The following PTK2 variants were observed in gnomAD, a reference collection of about 807,000 sequenced individuals.
PTK2 encodes protein tyrosine kinase 2.
PTK2 carries 45 observed loss-of-function variants against 150.1 expected under a neutral mutation model. The observed-to-expected ratio is 0.30, with a 90% CI of 0.24 to 0.38. The LOEUF is 0.38. PTK2 is among the 10% of genes least tolerant of loss of function. PTK2 has a pLI of 1.00. For synonymous variants in PTK2, 432 were observed against 449.2 expected, an observed-to-expected ratio of 0.96 and a Z score of 0.48; for missense variants, 919 against 1,307.3, an observed-to-expected ratio of 0.70 and a Z score of 4.58.
At chr8:140,724,856 T>C (rs544409882) in intron 22 of PTK2, among the ~76,000 whole-genome samples, 6 of 152,370 alleles carry the variant, frequency 3.9e-5, no homozygotes, top group African/African-American at 1.4e-4. Flanking sequence ...AGGGATGGCA[T>C]ACCTGGAAGT....
intron 2 of PTK2, among the ~76,000 whole-genome samples, chr8:140,893,320 T>C (rs926267688): frequency 8.5e-5 from 13 of 152,066 alleles, no homozygotes. Flanking sequence ...TAAAACAAAA[T>C]GAAACACCCT....
intron 26 of PTK2, among the ~76,000 whole-genome samples, chr8:140,698,369 T>C (rs1256414301): frequency 2.0e-5 from 3 of 152,240 alleles, no homozygotes; most frequent in Admixed American, 1.3e-4. Flanking sequence ...GTTTAAAATG[T>C]AGGACTAGAG....
chr8:140,745,845 C>T (rs969689753), intron 18 of PTK2, among the ~76,000 whole-genome samples: 5 of 151,450 alleles, frequency 3.3e-5, no homozygotes, highest in Admixed American at 2.6e-4. Context: ...ATTAAAAATG[C>T]GAAAATTAGC....
intron 7 of PTK2, among the ~76,000 whole-genome samples, chr8:140,844,462 A>G (rs907558419): frequency 6.6e-6 from 1 of 152,182 alleles, no homozygotes; most frequent in African/African-American, 2.4e-5. Context: ...CTATATTACT[A>G]TGGACTCATG....
chr8:140,680,577 CCA>C (rs1018293983), intron 27 of PTK2, among the ~76,000 whole-genome samples: 2 of 152,122 alleles, frequency 1.3e-5, no homozygotes, highest in Non-Finnish European at 2.9e-5. Flanking sequence ...CTTCTGTGGG[CCA>C]CACACTGGAA....
At chr8:140,976,158 G>C (rs1288682585) in intron 1 of PTK2, among the ~76,000 whole-genome samples, 1 of 152,142 alleles carries the variant, frequency 6.6e-6, no homozygotes, top group Non-Finnish European at 1.5e-5. Context: ...CATGACTAAA[G>C]GCAGAGCCAA....
At chr8:140,766,488 A>G (rs192377627) in intron 14 of PTK2, among the ~76,000 whole-genome samples, 58 of 152,238 alleles carry the variant, frequency 3.8e-4, no homozygotes, top group African/African-American at 1.4e-3. Flanking sequence ...CTCATTACCT[A>G]TAACAACCTG....
chr8:140,965,441 C>A (rs1486434452), intron 1 of PTK2, among the ~76,000 whole-genome samples: 1 of 152,180 alleles, frequency 6.6e-6, no homozygotes. Flanking sequence ...GTGACAGACA[C>A]AAGCCATGCA....
chr8:140,830,571 C>A (rs1275551903), intron 7 of PTK2, 45 bp from the exon 8 acceptor site: 3 of 1,113,876 alleles, frequency 2.7e-6, no homozygotes, highest in South Asian at 3.1e-5. Flanking sequence ...ACCACCAAAT[C>A]AATTAATATG....
At chr8:140,898,653 T>A (rs769714812) in intron 2 of PTK2, among the ~76,000 whole-genome samples, 1 of 151,974 alleles carries the variant, frequency 6.6e-6, no homozygotes, top group East Asian at 1.9e-4. Context: ...ATGCAGCACA[T>A]ACAAAAAAGG....
chr8:140,703,311 G>A (rs1326987023), intron 24 of PTK2, among the ~76,000 whole-genome samples: 1 of 152,130 alleles, frequency 6.6e-6, no homozygotes, highest in African/African-American at 2.4e-5. Flanking sequence ...ATGGAGTAAG[G>A]GGACCATGAG....
In PTK2 at chr8:140,803,936, AG is replaced by A. The variant is rs1478397895; in HGVS notation, c.868-287del. Among the ~76,000 whole-genome samples the A allele has an allele frequency of 2.6e-5, 4 of 152,192 alleles. No individual in the cohort carries two copies. In the East Asian group the frequency reaches 7.7e-4, roughly 29 times the overall value. On this transcript the variant is annotated intron_variant, in intron 10 of 31. Transcript: ENST00000522684. ...ACCACTGAGAGAGAACAGAAGATAA[AG>A]GAGGGAGGGAAGTTGAAGCAACCTT...
intron 10 of PTK2, among the ~76,000 whole-genome samples, chr8:140,804,890 T>C (rs544021157): frequency 6.6e-6 from 1 of 152,318 alleles, no homozygotes; most frequent in Admixed American, 6.5e-5. Flanking sequence ...CCACAGCCCC[T>C]CTGCATATTC....
At chr8:140,799,047 T>C (rs1477934587) in intron 12 of PTK2, among the ~76,000 whole-genome samples, 2 of 152,214 alleles carry the variant, frequency 1.3e-5, no homozygotes, top group Non-Finnish European at 1.5e-5. Flanking sequence ...GGAAAACACT[T>C]TTCCTTTAGA....
intron 13 of PTK2, among the ~76,000 whole-genome samples, chr8:140,790,505 T>A (rs181783463): frequency 6.6e-6 from 1 of 152,334 alleles, no homozygotes; most frequent in East Asian, 1.9e-4. Flanking sequence ...CTGTTACACA[T>A]GAGGTCACAT....
intron 11 of PTK2, 97 bp downstream of exon 11, chr8:140,803,446 T>C: frequency 1.1e-6 from 1 of 911,232 alleles, no homozygotes; most frequent in South Asian, 1.4e-5. Flanking sequence ...ATTCTGATGA[T>C]CCATAAAAAC....
intron 5 of PTK2, among the ~76,000 whole-genome samples, chr8:140,859,549 G>A (rs1051322397): frequency 6.6e-6 from 1 of 152,124 alleles, no homozygotes; most frequent in African/African-American, 2.4e-5. Flanking sequence ...TTAAATGTTT[G>A]CATCAAATAT....
intron 3 of PTK2, 173 bp downstream of exon 3, chr8:140,890,370 C>T (rs928452960): frequency 3.3e-5 from 17 of 515,220 alleles, no homozygotes; most frequent in African/African-American, 3.9e-5. Context: ...ACAATTAGAA[C>T]GCTGGTCAGT....
At chr8:140,700,803 T>C (rs2100029799) in intron 26 of PTK2, 88 bp downstream of exon 29, 2 of 1,500,110 alleles carry the variant, frequency 1.3e-6, no homozygotes, top group Non-Finnish European at 1.8e-6. Context: ...TCTCCTGCTT[T>C]GAAAGATAAC....
Sources: allele counts gnomAD v4.1 joint callset (sites outside exome capture counted in the v4.1 genomes callset), GRCh38; gene constraint gnomAD v4.1.1; transcripts MANE v1.5; gene names NCBI Gene and HGNC (gene_info 2026-07-23, HGNC 2026-07-21).